STX2: variants seen among roughly 807,000 people sequenced by gnomAD.
STX2 encodes the protein syntaxin 2.
STX2 carries 27 observed loss-of-function variants against 40.6 expected under a neutral mutation model. The observed-to-expected ratio is 0.66, with a 90% CI of 0.49 to 0.92. STX2 has a LOEUF of 0.92. Ranked by LOEUF, STX2 falls within the 40% of genes least tolerant of loss-of-function variation. The probability of loss-of-function intolerance (pLI) is 0.00; values close to 1 mark genes in which losing one functional copy is unlikely to be tolerated. For missense variants in STX2, 328 were observed against 366.1 expected (o/e 0.90, Z 0.85); for synonymous variants, 123 against 119.1 (o/e 1.03, Z -0.22).
intron 3 of STX2, among the ~76,000 whole-genome samples, chr12:130,816,636 T>C (rs1183422685): frequency 6.6e-6 from 1 of 152,164 alleles, no homozygotes; most frequent in Admixed American, 6.5e-5. Flanking sequence ...TTTCTAAATC[T>C]GTGTAAAGCC....
intron 5 of STX2, among the ~76,000 whole-genome samples, chr12:130,808,231 G>A (rs541691913): frequency 1.4e-4 from 21 of 152,288 alleles, no homozygotes; most frequent in Non-Finnish European, 2.8e-4. Flanking sequence ...CTTCCCACAT[G>A]TGAAATGTGA....
intron 4 of STX2, among the ~76,000 whole-genome samples, chr12:130,810,259 A>G (rs1951597612): frequency 6.6e-6 from 1 of 152,236 alleles, no homozygotes; most frequent in Admixed American, 6.5e-5. Flanking sequence ...ATAAAGATGT[A>G]ATATTGCCCT....
rs1474210903 is a variant in STX2 at position 130,798,521 on chromosome 12, T to C, written c.786+4A>G. 1 of 1,586,710 alleles carries C rather than the reference T, an allele frequency of 6.3e-7. No homozygotes were observed. Among genetic ancestry groups the C allele is most frequent in the Non-Finnish European group, 8.5e-7 (1 of 1,171,298 alleles). On this transcript the variant is annotated splice_donor_region_variant and intron_variant, in intron 9 of 10. Coordinates refer to ENST00000392373, the MANE Select transcript of STX2 (RefSeq NM_194356.4). Reference sequence around the variant, plus strand: ...GCAGCTTAATTCTTCGAAGCCAAACTCACCCTTCTTGCCTTGCTCTGATAT... The same window carrying C: ...GCAGCTTAATTCTTCGAAGCCAAACCCACCCTTCTTGCCTTGCTCTGATAT...
chr12:130,793,050 T>A lies in STX2; in HGVS notation c.*46-1073A>T, dbSNP rs1192506394. Among the ~76,000 whole-genome samples, 7 of 152,308 alleles carry A rather than the reference T, an allele frequency of 4.6e-5. No homozygotes were observed. The South Asian group carries it at 1.0e-3, about 23-fold the overall frequency. On this transcript the variant is annotated intron_variant, in intron 10 of 10. Coordinates refer to ENST00000392373, the MANE Select transcript of STX2 (RefSeq NM_194356.4). ...TTTGAACAGCAGAGATCCATCATTT[T>A]AATTACAGTTCCAAATGTACGAGTG...
At chr12:130,838,693 G>A (rs1282955374) in intron 1 of STX2, among the ~76,000 whole-genome samples, 1 of 152,172 alleles carries the variant, frequency 6.6e-6, no homozygotes, top group Non-Finnish European at 1.5e-5. Context: ...AGTGGGCTCC[G>A]GCTGGGTAAG....
intron 5 of STX2, among the ~76,000 whole-genome samples, chr12:130,807,523 G>C (rs781032878): frequency 6.0e-5 from 9 of 150,748 alleles, no homozygotes; most frequent in Non-Finnish European, 1.0e-4. Flanking sequence ...GCGGACCCCA[G>C]AGCCTGCGTG....
At chr12:130,796,466 A>G (rs1182977123) in intron 9 of STX2, among the ~76,000 whole-genome samples, 1 of 152,210 alleles carries the variant, frequency 6.6e-6, no homozygotes, top group Non-Finnish European at 1.5e-5. Context: ...AGCCTGGGCA[A>G]CAGAGCAAGA....
rs754703692 is a variant in STX2 at position 130,801,288 on chromosome 12, A to T, written c.540T>A (p.Ile180=). ...GTCTAGTAATTTGTGAATCTGATAT[A>T]ATCTTGGAAAAACAAAAATAAAAGA... The part of the protein sequence containing the change: ...SGKPSIFTSD[I]ISDSQITRQA... The change falls in exon 8 of 11, where the codon ATT becomes ATA. Residue 180 remains isoleucine (I), a splice_region_variant and synonymous_variant. Transcript: ENST00000392373. 1.2e-6 allele frequency: 2 copies of T among 1,608,254 alleles called. No homozygotes were observed. Among genetic ancestry groups the T allele is most frequent in the African/African-American group, 2.7e-5 (2 of 74,700 alleles).
At chr12:130,837,106 CTT>C (rs71951784) in intron 1 of STX2, among the ~76,000 whole-genome samples, 23,888 of 139,602 alleles carry the variant, frequency 0.17, 2,291 homozygotes, top group Non-Finnish European at 0.23. Flanking sequence ...TGACATTGAG[CTT>C]TTTTTTTTTT....
At chr12:130,836,177 C>G (rs1258623380) in intron 1 of STX2, among the ~76,000 whole-genome samples, 11 of 152,128 alleles carry the variant, frequency 7.2e-5, no homozygotes, top group Non-Finnish European at 1.3e-4. Context: ...AAACTTGTAT[C>G]TGGTAACTTT....
In STX2 at chr12:130,825,172, G is replaced by T. The variant is rs112027545; in HGVS notation, c.105+2021C>A. On this transcript the variant is annotated intron_variant, in intron 2 of 10. Transcript: ENST00000392373. ...CCACCACAGCCTCCCAAGCAGCTGGGATTACAGGCACTTGCCATCATGCCT... is the reference window on the plus strand; with the variant it reads ...CCACCACAGCCTCCCAAGCAGCTGGTATTACAGGCACTTGCCATCATGCCT... Among the ~76,000 whole-genome samples, 578 of 152,180 alleles carry T rather than the reference G, an allele frequency of 3.8e-3. 6 individuals are homozygous for T. The highest frequency in any genetic ancestry group is 0.013 in the African/African-American group (558 of 41,488).
rs1951227139 is a variant in STX2, at chr12:130,801,494, A to C, written c.464-6T>G. The C allele has an allele frequency of 6.3e-7, 1 of 1,597,186 alleles. No individual in the cohort carries two copies. Among genetic ancestry groups the C allele is most frequent in the African/African-American group, 1.3e-5 (1 of 74,082 alleles). On this transcript the variant is annotated splice_polypyrimidine_tract_variant and splice_region_variant and intron_variant, in intron 6 of 10. Transcript: ENST00000392373. ...GTCTGTGGTGGTTCTCCCAGCTGAA[A>C]GACCCGCAACCACAGCCCCACTCAG...
chr12:130,794,176 T>C (rs76471737), intron 10 of STX2, among the ~76,000 whole-genome samples: 2 of 49,434 alleles, frequency 4.0e-5, no homozygotes, highest in Non-Finnish European at 1.6e-4. Flanking sequence ...AGAAAGTACA[T>C]GTTAGAATCA....
Position 130,813,173 on chromosome 12 carries a change from C to T in STX2, c.206-142G>A, listed in dbSNP as rs114541415. The T allele has an allele frequency of 5.0e-3, 2,557 of 506,348 alleles. 58 individuals carry two copies. Among genetic ancestry groups the T allele is most frequent in the African/African-American group, 0.048 (2,365 of 49,372 alleles). 31.4% of individuals were successfully genotyped at this position (506,348 alleles called of 1,614,324 possible). A position where few individuals can be genotyped will look rare whatever the true frequency, so the allele number is the denominator to read the frequency against. ...CTGTAAGAAAAACTACCGCTTATAC[C>T]AGTGGTTCTCAAGGTGGGTCCCTAG... On this transcript the variant is annotated intron_variant, in intron 3 of 10. Coordinates refer to ENST00000392373, the MANE Select transcript of STX2 (RefSeq NM_194356.4).
At chr12:130,815,034 G>C (rs1251255930) in intron 3 of STX2, among the ~76,000 whole-genome samples, 1 of 152,110 alleles carries the variant, frequency 6.6e-6, no homozygotes, top group Non-Finnish European at 1.5e-5. Flanking sequence ...AGGACTTTAA[G>C]GCCAACCTGG....
chr12:130,797,492 G>A (rs573734586), intron 9 of STX2, among the ~76,000 whole-genome samples: 22 of 152,082 alleles, frequency 1.4e-4, no homozygotes, highest in African/African-American at 2.4e-4. Flanking sequence ...CCTGCAGCCC[G>A]GGGGTGTGAG....
In STX2 at chr12:130,819,772, C is replaced by T. The variant is rs183745244; in HGVS notation, c.205+1917G>A. Reference sequence around the variant, plus strand: ...GCTAAACAGGCTTCCTTCTAGGAAGCCTTCTCAGAGCCTTGATTATTCTAC... The same window carrying T: ...GCTAAACAGGCTTCCTTCTAGGAAGTCTTCTCAGAGCCTTGATTATTCTAC... On this transcript the variant is annotated intron_variant, in intron 3 of 10. Coordinates refer to ENST00000392373, the MANE Select transcript of STX2 (RefSeq NM_194356.4). 6.7e-3 allele frequency among the ~76,000 whole-genome samples: 1,021 copies of T among 152,350 alleles called. 4 individuals carry two copies. The highest frequency in any genetic ancestry group is 0.012 in the Non-Finnish European group (793 of 68,034).
At chr12:130,812,902 TAAC>T (rs1951714162) in intron 4 of STX2, 52 bp downstream of exon 4, 7 of 1,230,762 alleles carry the variant, frequency 5.7e-6, no homozygotes, top group South Asian at 1.4e-5. Context: ...AAGAAAAAAA[TAAC>T]AAATACCCAT....
chr12:130,800,797 A>G (rs953801487), intron 8 of STX2, among the ~76,000 whole-genome samples: 2 of 152,238 alleles, frequency 1.3e-5, no homozygotes, highest in African/African-American at 4.8e-5. Flanking sequence ...ATACATATGT[A>G]CGGGCATACA....
Sources: gnomAD v4.1 joint callset for allele counts (sites outside exome capture counted in the v4.1 genomes callset) on GRCh38, gnomAD v4.1.1 for gene constraint, MANE v1.5 for transcripts, NCBI Gene and HGNC (gene_info 2026-07-23, HGNC 2026-07-21) for gene names.